Variants in VWA5B2 observed in about 807,000 individuals in gnomAD.
VWA5B2 encodes von Willebrand factor A domain-containing protein 5B2.
Under a neutral mutation model 118.5 loss-of-function variants are expected in VWA5B2, and 93 were observed. That is an observed-to-expected ratio of 0.79 (90% CI 0.66 to 0.93). VWA5B2 has a LOEUF of 0.93. Ranked by LOEUF, VWA5B2 falls within the 40% of genes least tolerant of loss-of-function variation. The pLI is 0.00. For synonymous variants in VWA5B2, 708 were observed against 716.3 expected (o/e 0.99, Z 0.19); for missense variants, 1,546 against 1,672.8 (o/e 0.92, Z 1.32).
Position 184,241,438 on chromosome 3 carries a change from G to A in VWA5B2, c.3180+34G>A, listed in dbSNP as rs771799913. 7.1e-5 allele frequency: 111 copies of A among 1,567,542 alleles called. No individual in the cohort carries two copies. The highest frequency in any genetic ancestry group is 3.3e-4 in the Middle Eastern group (2 of 5,996). ...TCGGGAGGTGGAGGGTGGTGCCGCC[G>A]GGGCCGGGCGCTGTTTCAGCTCGCT... On this transcript the variant is annotated intron_variant, in intron 19 of 19. Coordinates refer to ENST00000691901, the MANE Select transcript of VWA5B2 (RefSeq NM_001390846.1). The surrounding 1 kb of genome is among the most constrained non-coding windows in gnomAD (Gnocchi z 5.1).
rs1034411416 is a variant in VWA5B2, at chr3:184,238,204, A to G, written c.1720-99A>G. On this transcript the variant is annotated intron_variant, in intron 12 of 19. Coordinates refer to ENST00000691901, the MANE Select transcript of VWA5B2 (RefSeq NM_001390846.1). This position sits in a 1 kb window ranked among gnomAD's most constrained non-coding sequence, Gnocchi z 5.0. ...AGTACTGGTCTTTTGTTTCTGGTTT[A>G]TTAGCTTTGTTGCCTCTTGCTGTGA... is the stretch of plus-strand genomic sequence containing the variant. 2.9e-6 allele frequency: 3 copies of G among 1,049,564 alleles called. No individual in the cohort carries two copies. The highest frequency in any genetic ancestry group is 3.1e-5 in the Admixed American group (1 of 32,586). The allele number at this position is 1,049,564 out of a possible 1,614,324, so 65.0% of individuals were successfully genotyped here.
Position 184,230,465 on chromosome 3 carries a change from G to A in VWA5B2, c.-64G>A. 1.5e-6 allele frequency: 2 copies of A among 1,379,188 alleles called. No homozygotes were observed. Among genetic ancestry groups the A allele is most frequent in the Admixed American group, 3.8e-5 (1 of 26,440 alleles). 85.4% of individuals were successfully genotyped at this position (1,379,188 alleles called of 1,614,324 possible). ...GCGCTGGCCTCTGGAGCGCGGGGTG[G>A]GCGTCCCGTCACCCTGCGCCCAGCT... On this transcript the variant is annotated 5_prime_UTR_variant, in exon 2 of 20. Transcript: ENST00000691901.
At chr3:184,234,138 C>T (rs1036437810) in intron 5 of VWA5B2, 128 bp from the exon 6 acceptor site, 35 of 1,208,512 alleles carry the variant, frequency 2.9e-5, no homozygotes, top group Non-Finnish European at 4.0e-5. Flanking sequence ...CATCCTCCCT[C>T]GTCCATCTGA....
At position 184,236,277 on chromosome 3, in the gene VWA5B2, G is replaced by C; in HGVS notation, c.1212+15G>C. On this transcript the variant is annotated intron_variant, in intron 9 of 19. Transcript: ENST00000691901. The stretch of plus-strand genomic sequence containing the variant: ...CTTGCAGTGATGTGAGTGTGGTCCA[G>C]GGATCTGGGGGCCTTACAGAGAGGT... The C allele has an allele frequency of 6.4e-7, 1 of 1,551,746 alleles. No individual in the cohort carries two copies. Among genetic ancestry groups the C allele is most frequent in the Non-Finnish European group, 8.7e-7 (1 of 1,146,974 alleles).
At chr3:184,236,806 A>G in intron 11 of VWA5B2, 57 bp downstream of exon 11, 1 of 1,387,126 alleles carries the variant, frequency 7.2e-7, no homozygotes, top group Non-Finnish European at 9.6e-7. Context: ...CCCAAGTTAC[A>G]CATCAAGTCT....
chr3:184,242,042 C>G lies in VWA5B2; in HGVS notation c.*4C>G. On this transcript the variant is annotated 3_prime_UTR_variant, in exon 20 of 20. Coordinates refer to ENST00000691901, the MANE Select transcript of VWA5B2 (RefSeq NM_001390846.1). Reference sequence around the variant, plus strand: ...CTACAGCCCAGCGAACGTGTGAAGGCTGCCCCCTGCTGCTTGGGCTGGCGC... The same window carrying G: ...CTACAGCCCAGCGAACGTGTGAAGGGTGCCCCCTGCTGCTTGGGCTGGCGC... 6.5e-7 allele frequency: 1 copy of G among 1,548,154 alleles called. No homozygotes were observed.
Position 184,242,040 on chromosome 3 carries a change from G to A in VWA5B2, c.*2G>A. 1 of 1,548,820 alleles carries A rather than the reference G, an allele frequency of 6.5e-7. No individual in the cohort carries two copies. Among genetic ancestry groups the A allele is most frequent in the East Asian group, 2.4e-5 (1 of 40,906 alleles). ...TGCTACAGCCCAGCGAACGTGTGAA[G>A]GCTGCCCCCTGCTGCTTGGGCTGGC... On this transcript the variant is annotated 3_prime_UTR_variant, in exon 20 of 20. Transcript: ENST00000691901.
At chr3:184,240,733 G>A (rs1718503079) in intron 16 of VWA5B2, 58 bp from the exon 17 acceptor site, 1 of 1,528,408 alleles carries the variant, frequency 6.5e-7, no homozygotes, top group African/African-American at 1.4e-5. Flanking sequence ...TTTTTTCTAT[G>A]AGCCCTCTGT....
At position 184,238,311 on chromosome 3, in the gene VWA5B2, G is replaced by A; in HGVS notation, c.1728G>A (p.Glu576=). 6.6e-7 allele frequency: 1 copy of A among 1,519,474 alleles called. No individual in the cohort carries two copies. The highest frequency in any genetic ancestry group is 8.9e-7 in the Non-Finnish European group (1 of 1,129,462). The allele number at this position is 1,519,474 out of a possible 1,614,324, so 94.1% of individuals were successfully genotyped here. A position where few individuals can be genotyped will look rare whatever the true frequency, so the allele number is the denominator to read the frequency against. Reference sequence around the variant, plus strand: ...AATAATATTCTCTCTAGGGCCAAGAGCCTGGCTGGCAGAGCTCGGGTGGGT... The same window carrying A: ...AATAATATTCTCTCTAGGGCCAAGAACCTGGCTGGCAGAGCTCGGGTGGGT... ...GFRSRPPGGQ[E]PGWQSSGGSV... The change falls in exon 13 of 20, where the codon GAG becomes GAA. Residue 576 remains glutamate, a synonymous_variant. Coordinates refer to ENST00000691901, the MANE Select transcript of VWA5B2 (RefSeq NM_001390846.1). This position sits in a 1 kb window ranked among gnomAD's most constrained non-coding sequence, Gnocchi z 5.0.
Position 184,236,484 on chromosome 3 carries a change from G to A in VWA5B2, c.1354G>A (p.Ala452Thr). 6.5e-7 allele frequency: 1 copy of A among 1,547,220 alleles called. No individual in the cohort carries two copies. The highest frequency in any genetic ancestry group is 8.7e-7 in the Non-Finnish European group (1 of 1,146,956). The change falls in exon 10 of 20, where the codon GCC (alanine) becomes ACC (threonine). Residue 452 changes from alanine to threonine, a missense_variant. Around this residue, in one of 3 missense-constraint regions of VWA5B2, gnomAD observed 775 missense variants for 882.3 expected, o/e 0.88. Coordinates refer to ENST00000691901, the MANE Select transcript of VWA5B2 (RefSeq NM_001390846.1). ...TCGGCAGCTGTTCCTGCTCACTGCTGCCTCACCCATGGCCGCCACTACCCA... is the reference window on the plus strand; with the variant it reads ...TCGGCAGCTGTTCCTGCTCACTGCTACCTCACCCATGGCCGCCACTACCCA... ...YPRQLFLLTAASPMAATTHRT... is the reference protein window; with the variant it reads ...YPRQLFLLTATSPMAATTHRT...
intron 10 of VWA5B2, 35 bp downstream of exon 10, chr3:184,236,586 A>C (rs1718025865): frequency 1.3e-6 from 2 of 1,548,176 alleles, no homozygotes; most frequent in Non-Finnish European, 1.7e-6. Flanking sequence ...CGTAAGACTG[A>C]GCCCCCACAA....
In VWA5B2 at chr3:184,241,713, A is replaced by AG; in HGVS notation, c.3408dup (p.Pro1137AlafsTer59). ...AGCCCGTCCCCCAGCTCGGGCTCTGAGGGGCCAGGCCAGGTGGACAGTGGG... is the reference window on the plus strand; with the variant it reads ...AGCCCGTCCCCCAGCTCGGGCTCTGAGGGGGCCAGGCCAGGTGGACAGTGGG... On this transcript the variant is annotated frameshift_variant, in exon 20 of 20. Transcript: ENST00000691901. LOFTEE classifies it high-confidence loss of function. The surrounding 1 kb of genome is among the most constrained non-coding windows in gnomAD (Gnocchi z 5.1). 1 of 1,507,404 alleles carries AG rather than the reference A, an allele frequency of 6.6e-7. No homozygotes were observed. The highest frequency in any genetic ancestry group is 1.8e-4 in the Middle Eastern group (1 of 5,444). 93.4% of individuals were successfully genotyped at this position (1,507,404 alleles called of 1,614,324 possible). A position where few individuals can be genotyped will look rare whatever the true frequency, so the allele number is the denominator to read the frequency against.
Position 184,235,320 on chromosome 3 carries a change from T to A in VWA5B2, c.1101+12T>A, listed in dbSNP as rs1674206550. 1.3e-6 allele frequency: 2 copies of A among 1,550,262 alleles called. No homozygotes were observed. The highest frequency in any genetic ancestry group is 1.7e-6 in the Non-Finnish European group (2 of 1,146,446). ...GCGTGGCACACAAGGCCCGTGGGGG[T>A]GTGGTGTGGGCAGGCCTGGGGGTTG... is the stretch of plus-strand genomic sequence containing the variant. On this transcript the variant is annotated intron_variant, in intron 8 of 19. Transcript: ENST00000691901.
Position 184,230,536 on chromosome 3 carries a change from G to C in VWA5B2, c.8G>C (p.Gly3Ala). 2.0e-6 allele frequency: 3 copies of C among 1,477,360 alleles called. No individual in the cohort carries two copies. The highest frequency in any genetic ancestry group is 2.7e-6 in the Non-Finnish European group (3 of 1,122,364). The allele number at this position is 1,477,360 out of a possible 1,614,324, so 91.5% of individuals were successfully genotyped here. A position where few individuals can be genotyped will look rare whatever the true frequency, so the allele number is the denominator to read the frequency against. Residue 3 changes from glycine to alanine, a missense_variant, in exon 2 of 20, where the codon GGC (glycine) becomes GCC (alanine). Coordinates refer to ENST00000691901, the MANE Select transcript of VWA5B2 (RefSeq NM_001390846.1). The part of the protein sequence containing the change: MP[G>A]LYCPSSWTPL... ...GGCCGGCCTCCCGGCGCCATGCCCG[G>C]CCTGTACTGCCCCTCCAGCTGGACG...
Position 184,241,776 on chromosome 3 carries a change from G to A in VWA5B2, c.3467G>A (p.Gly1156Glu). ...SDTEASEGAE[G>E]LGGTDLRGRT... ...ACCGAGGCCTCCGAGGGGGCGGAAG[G>A]GCTGGGCGGCACCGACCTGCGGGGC... Residue 1156 changes from glycine to glutamate, a missense_variant, in exon 20 of 20, where the codon GGG (glycine) becomes GAG (glutamate). Physicochemically the swap from Gly to Glu is moderately conservative, Grantham distance 98. Coordinates refer to ENST00000691901, the MANE Select transcript of VWA5B2 (RefSeq NM_001390846.1). This position sits in a 1 kb window ranked among gnomAD's most constrained non-coding sequence, Gnocchi z 5.1. The A allele has an allele frequency of 1.3e-6, 2 of 1,488,476 alleles. No individual in the cohort carries two copies. Among genetic ancestry groups the A allele is most frequent in the Non-Finnish European group, 1.8e-6 (2 of 1,121,668 alleles). 92.2% of individuals were successfully genotyped at this position (1,488,476 alleles called of 1,614,324 possible).
Position 184,230,498 on chromosome 3 carries a change from C to A in VWA5B2, c.-31C>A. 1 of 1,428,514 alleles carries A rather than the reference C, an allele frequency of 7.0e-7. No individual in the cohort carries two copies. Among genetic ancestry groups the A allele is most frequent in the Admixed American group, 3.0e-5 (1 of 33,210 alleles). 88.5% of individuals were successfully genotyped at this position (1,428,514 alleles called of 1,614,324 possible). Reference sequence around the variant, plus strand: ...GTCACCCTGCGCCCAGCTTCCCCGGCCCGTTCCCGCAGGGCCGGCCTCCCG... The same window carrying A: ...GTCACCCTGCGCCCAGCTTCCCCGGACCGTTCCCGCAGGGCCGGCCTCCCG... On this transcript the variant is annotated 5_prime_UTR_variant, in exon 2 of 20. Transcript: ENST00000691901.
chr3:184,236,592 C>G (rs1311868424), intron 10 of VWA5B2, 41 bp downstream of exon 10: 1 of 1,547,192 alleles, frequency 6.5e-7, no homozygotes. Flanking sequence ...ACTGAGCCCC[C>G]ACAAGGGGCT....
chr3:184,231,727 T>A (rs1717420058), intron 3 of VWA5B2, among the ~76,000 whole-genome samples: 1 of 152,248 alleles, frequency 6.6e-6, no homozygotes, highest in Non-Finnish European at 1.5e-5. Flanking sequence ...TGCTGTGTGC[T>A]GTGCTTGCAC....
At position 184,239,109 on chromosome 3, in the gene VWA5B2, G is replaced by A. The variant is rs1291274785; in HGVS notation, c.2202+236G>A. Among the ~76,000 whole-genome samples the A allele has an allele frequency of 2.6e-5, 4 of 152,174 alleles. No homozygotes were observed. The highest frequency in any genetic ancestry group is 9.7e-5 in the African/African-American group (4 of 41,446). The stretch of plus-strand genomic sequence containing the variant: ...AGTCAGGAAAGTCAGAGCCATATCT[G>A]GAAGAATAAGCACGAGTTAGCCATG... On this transcript the variant is annotated intron_variant, in intron 14 of 19. Transcript: ENST00000691901. This position sits in a 1 kb window ranked among gnomAD's most constrained non-coding sequence, Gnocchi z 5.1.
Sources: allele counts gnomAD v4.1 joint callset (sites outside exome capture counted in the v4.1 genomes callset), GRCh38; gene constraint gnomAD v4.1.1; regional missense constraint gnomAD v4.1.1; non-coding constraint Gnocchi (gnomAD v3.1); transcripts MANE v1.5; gene names NCBI Gene and HGNC (gene_info 2026-07-23, HGNC 2026-07-21).